The following FRMD4B variants were observed in gnomAD, a reference collection of about 807,000 sequenced individuals.
The protein encoded by FRMD4B is FERM domain-containing protein 4B.
A neutral mutation model predicts 141.5 loss-of-function variants in FRMD4B; 74 were observed. The observed-to-expected ratio is 0.52, with a 90% CI of 0.43 to 0.63. The LOEUF (loss-of-function observed/expected upper bound fraction) is 0.63. Among genes scored for constraint, FRMD4B ranks in the 30% least tolerant of loss-of-function variants. The pLI, the probability that FRMD4B is intolerant of heterozygous loss-of-function variation, is 0.00. For missense variants in FRMD4B, 1,366 were observed against 1,253.4 expected (o/e 1.09, Z -1.36); for synonymous variants, 506 against 467.9 (o/e 1.08, Z -1.05).
chr3:69,505,338 A>T (rs1438520544), intron 1 of FRMD4B, among the ~76,000 whole-genome samples: 1 of 152,208 alleles, frequency 6.6e-6, no homozygotes, highest in Non-Finnish European at 1.5e-5. Flanking sequence ...TGATCGCACC[A>T]CTGCCCTCCA....
At chr3:69,451,019 C>T (rs72931883) in intron 1 of FRMD4B, among the ~76,000 whole-genome samples, 3 of 152,234 alleles carry the variant, frequency 2.0e-5, no homozygotes, top group East Asian at 3.9e-4. Context: ...TACAAGGCTG[C>T]GGCCATATCC....
At chr3:69,306,404 A>C (rs1325064920) in intron 3 of FRMD4B, 1 of 152,238 alleles carries the variant, frequency 6.6e-6, no homozygotes, top group East Asian at 1.9e-4. Context: ...TGTGTTGTAA[A>C]GTCTATCTGT....
At chr3:69,288,815 T>C (rs1248410643) in intron 4 of FRMD4B, among the ~76,000 whole-genome samples, 1 of 152,244 alleles carries the variant, frequency 6.6e-6, no homozygotes, top group Non-Finnish European at 1.5e-5. Flanking sequence ...GGCTAGGAAG[T>C]GGCCAGGTGA....
At chr3:69,372,686 C>CAAAT (rs1274168609) in intron 1 of FRMD4B, among the ~76,000 whole-genome samples, 2 of 151,978 alleles carry the variant, frequency 1.3e-5, no homozygotes, top group Non-Finnish European at 2.9e-5. Context: ...AATAAATAAA[C>CAAAT]AAACAAACAA....
intron 1 of FRMD4B, among the ~76,000 whole-genome samples, chr3:69,496,637 A>AGAGAGAGAGAG (rs1706399949): frequency 1.8e-5 from 1 of 56,474 alleles, no homozygotes; most frequent in African/African-American, 8.1e-5. Context: ...GAGAGAGAGA[A>AGAGAGAGAGAG]AGAGAGAGAG....
chr3:69,529,176 T>C (rs1700977845), intron 1 of FRMD4B, among the ~76,000 whole-genome samples: 1 of 152,234 alleles, frequency 6.6e-6, no homozygotes, highest in Non-Finnish European at 1.5e-5. Context: ...AGCTCTGTGC[T>C]AGTCCGTTGC....
intron 1 of FRMD4B, among the ~76,000 whole-genome samples, chr3:69,517,624 C>T (rs151328017): frequency 2.1e-4 from 32 of 152,306 alleles, no homozygotes; most frequent in African/African-American, 7.7e-4. Context: ...AGTGACAATG[C>T]TACCCTCCAG....
intron 1 of FRMD4B, among the ~76,000 whole-genome samples, chr3:69,316,400 A>G (rs1262101989): frequency 6.6e-6 from 1 of 152,058 alleles, no homozygotes; most frequent in Non-Finnish European, 1.5e-5. Context: ...CAACATCCCC[A>G]TTTTACAGAC....
intron 1 of FRMD4B, among the ~76,000 whole-genome samples, chr3:69,493,570 A>G (rs1157682431): frequency 6.6e-6 from 1 of 152,162 alleles, no homozygotes; most frequent in East Asian, 1.9e-4. Context: ...AAGTTTGACC[A>G]CTGTATCCAA....
chr3:69,507,825 G>A (rs1478933474), intron 1 of FRMD4B, among the ~76,000 whole-genome samples: 2 of 152,136 alleles, frequency 1.3e-5, no homozygotes, highest in Admixed American at 1.3e-4. Context: ...AATTGTCAGA[G>A]TCTGTTTAAA....
intron 11 of FRMD4B, among the ~76,000 whole-genome samples, chr3:69,208,296 T>C (rs1388044016): frequency 2.6e-5 from 4 of 152,108 alleles, no homozygotes; most frequent in African/African-American, 9.7e-5. Flanking sequence ...ACTCCTCACC[T>C]CAGGTGATCT....
intron 1 of FRMD4B, among the ~76,000 whole-genome samples, chr3:69,437,155 C>T (rs1051613842): frequency 1.2e-4 from 19 of 152,122 alleles, no homozygotes; most frequent in African/African-American, 4.1e-4. Context: ...TCACTGCAGT[C>T]TCAAACCCCC....
intron 2 of FRMD4B, among the ~76,000 whole-genome samples, chr3:69,311,818 T>TTAA (rs764022716): frequency 3.0e-4 from 46 of 151,860 alleles, no homozygotes; most frequent in Admixed American, 7.9e-4. Context: ...GATGAAAATA[T>TTAA]TAATAATAAT....
intron 1 of FRMD4B, among the ~76,000 whole-genome samples, chr3:69,495,991 C>T (rs1378594000): frequency 1.3e-5 from 2 of 151,994 alleles, no homozygotes; most frequent in Non-Finnish European, 2.9e-5. Context: ...TGGACAAAAA[C>T]CTTTTTGGGT....
chr3:69,208,245 G>C (rs2093042997), intron 11 of FRMD4B, among the ~76,000 whole-genome samples: 1 of 152,050 alleles, frequency 6.6e-6, no homozygotes, highest in African/African-American at 2.4e-5. Flanking sequence ...TTGTATTTTA[G>C]TAGAGACGGG....
chr3:69,204,161 A>G (rs1417045846), intron 11 of FRMD4B, among the ~76,000 whole-genome samples: 1 of 152,150 alleles, frequency 6.6e-6, no homozygotes, highest in Non-Finnish European at 1.5e-5. Flanking sequence ...GTACCCAGGA[A>G]AGGAGGAATG....
chr3:69,477,518 A>G (rs1302442162), intron 1 of FRMD4B, among the ~76,000 whole-genome samples: 17 of 151,508 alleles, frequency 1.1e-4, no homozygotes, highest in Admixed American at 1.3e-4. Flanking sequence ...ATTGATTTGC[A>G]TATATTGAAC....
intron 7 of FRMD4B, among the ~76,000 whole-genome samples, chr3:69,238,064 C>T (rs1488028382): frequency 6.6e-6 from 1 of 152,142 alleles, no homozygotes; most frequent in East Asian, 1.9e-4. Flanking sequence ...ATCCTAGGCA[C>T]TTGCTATGTG....
chr3:69,541,591 A>C lies in FRMD4B; in HGVS notation c.-129+615T>G, dbSNP rs143931918. ...TGTCCTCTATTCCAAACGAAATGGC[A>C]TTTCTCAAAGTAGGAGCTAAAGATT... On this transcript the variant is annotated intron_variant, in intron 1 of 5. Transcript: ENST00000459638. Among the ~76,000 whole-genome samples the C allele has an allele frequency of 1.1e-4, 16 of 152,330 alleles. No homozygotes were observed. In the East Asian group the frequency reaches 3.1e-3, roughly 29 times the overall value.
Sources: allele counts gnomAD v4.1 joint callset (sites outside exome capture counted in the v4.1 genomes callset), GRCh38; gene constraint gnomAD v4.1.1; transcripts MANE v1.5; gene names NCBI Gene and HGNC (gene_info 2026-07-23, HGNC 2026-07-21).